MAP4K3: variants seen among roughly 807,000 people sequenced by gnomAD.
The protein encoded by MAP4K3 is MAPK/ERK kinase kinase kinase 3.
Under a neutral mutation model 143.5 loss-of-function variants are expected in MAP4K3, and 94 were observed. The observed-to-expected ratio is 0.65, with a 90% CI of 0.55 to 0.78. MAP4K3 has a LOEUF of 0.78. Among genes scored for constraint, MAP4K3 ranks in the 30% least tolerant of loss-of-function variants. MAP4K3 has a pLI of 0.00. For missense variants in MAP4K3, 1,077 were observed against 1,068.1 expected (o/e 1.01, Z -0.12); for synonymous variants, 416 against 347.2 (o/e 1.20, Z -2.20).
intron 15 of MAP4K3, among the ~76,000 whole-genome samples, chr2:39,303,992 G>T (rs1342737967): frequency 1.3e-5 from 2 of 152,198 alleles, no homozygotes; most frequent in Non-Finnish European, 2.9e-5. Flanking sequence ...GCATTTTGCA[G>T]ATCAGACAAA....
chr2:39,273,061 G>A (rs562851830), intron 24 of MAP4K3, among the ~76,000 whole-genome samples: 28 of 150,870 alleles, frequency 1.9e-4, no homozygotes, highest in Non-Finnish European at 3.8e-4. Flanking sequence ...TCACAAAGCA[G>A]ATATATATAT....
chr2:39,424,953 A>T (rs972811503), intron 1 of MAP4K3, among the ~76,000 whole-genome samples: 2 of 151,730 alleles, frequency 1.3e-5, no homozygotes, highest in Non-Finnish European at 2.9e-5. Context: ...TGCTCTTTTG[A>T]TTTGGGGTTC....
chr2:39,312,044 ATT>A (rs1285870065), intron 13 of MAP4K3, among the ~76,000 whole-genome samples: 1 of 152,212 alleles, frequency 6.6e-6, no homozygotes, highest in African/African-American at 2.4e-5. Flanking sequence ...TGACAATAAT[ATT>A]GTCTTATAAG....
chr2:39,377,215 T>TTTTTTTTTTTTTTTA (rs1553421056), intron 2 of MAP4K3, among the ~76,000 whole-genome samples: 59 of 150,200 alleles, frequency 3.9e-4, no homozygotes, highest in African/African-American at 1.4e-3. Flanking sequence ...TTTTTTTTTT[T>TTTTTTTTTTTTTTTA]AAACAGAAAA....
At chr2:39,321,537 G>A (rs1437683151) in intron 12 of MAP4K3, among the ~76,000 whole-genome samples, 2 of 152,192 alleles carry the variant, frequency 1.3e-5, no homozygotes, top group South Asian at 2.1e-4. Context: ...ATATGGCCTC[G>A]TGGGAAGGGG....
chr2:39,253,786 C>A (rs1004274177), intron 32 of MAP4K3, among the ~76,000 whole-genome samples: 1 of 152,184 alleles, frequency 6.6e-6, no homozygotes, highest in East Asian at 1.9e-4. Flanking sequence ...ATTTTACGTG[C>A]TTGTAACATT....
chr2:39,381,433 G>A (rs1209219418), intron 1 of MAP4K3, among the ~76,000 whole-genome samples: 1 of 152,042 alleles, frequency 6.6e-6, no homozygotes, highest in Non-Finnish European at 1.5e-5. Context: ...CATTCTACAT[G>A]CTTTCATTTT....
At chr2:39,414,098 C>G (rs1572503666) in intron 1 of MAP4K3, among the ~76,000 whole-genome samples, 1 of 152,090 alleles carries the variant, frequency 6.6e-6, no homozygotes, top group Non-Finnish European at 1.5e-5. Flanking sequence ...TTTTGTTCCT[C>G]TCTGTCTTGA....
rs1310982026 is a variant in MAP4K3 at position 39,436,962 on chromosome 2, C to A, written c.26G>T (p.Arg9Leu). 9.9e-6 allele frequency: 16 copies of A among 1,612,264 alleles called. No individual in the cohort carries two copies. The highest frequency in any genetic ancestry group is 1.4e-5 in the Non-Finnish European group (16 of 1,179,282). Reference protein sequence around the residue: MNPGFDLSRRNPQEDFELI... With the variant: MNPGFDLSLRNPQEDFELI... ...CTCGAAGTCCTCCTGCGGGTTCCGG[C>A]GGGACAAATCGAAGCCGGGGTTCAT... is the stretch of plus-strand genomic sequence containing the variant. Residue 9 changes from arginine (R) to leucine (L), a missense_variant, in exon 1 of 34, where the codon CGC becomes CTC. Physicochemically the swap from Arg to Leu is moderately radical, Grantham distance 102. Transcript: ENST00000263881.
intron 12 of MAP4K3, 173 bp from the exon 13 acceptor site, chr2:39,315,561 A>G (rs567492055): frequency 1.9e-4 from 101 of 534,136 alleles, no homozygotes; most frequent in African/African-American, 1.7e-3. Flanking sequence ...AGCTCAAACT[A>G]TTAGGTGAAA....
Position 39,326,263 on chromosome 2 carries a change from A to C in MAP4K3, c.545T>G (p.Val182Gly). The C allele has an allele frequency of 6.2e-7, 1 of 1,613,810 alleles. No homozygotes were observed. Among genetic ancestry groups the C allele is most frequent in the Non-Finnish European group, 8.5e-7 (1 of 1,179,880 alleles). ...IGTPYWMAPEVAAVERKGGYN... is the reference protein window; with the variant it reads ...IGTPYWMAPEGAAVERKGGYN... ...ACCCCCCTTCCTCTCAACAGCTGCA[A>C]CTTCTGGAGCCATCCTGAAATAAAT... The change falls in exon 9 of 34, where the codon GTT (valine) becomes GGT (glycine). Residue 182 changes from valine (V) to glycine (G), a missense_variant. Physicochemically the swap from Val to Gly is moderately radical, Grantham distance 109. This residue lies in a region of MAP4K3 where 213 missense variants were observed against 266.8 expected (regional missense o/e 0.80). Transcript: ENST00000263881.
At chr2:39,315,555 C>G in intron 12 of MAP4K3, 167 bp from the exon 13 acceptor site, 1 of 526,266 alleles carries the variant, frequency 1.9e-6, no homozygotes, top group South Asian at 2.8e-5. Flanking sequence ...AATAGCAGCT[C>G]AAACTATTAG....
At chr2:39,436,709 G>A (rs1236006458) in intron 1 of MAP4K3, 183 bp downstream of exon 1, 1 of 593,394 alleles carries the variant, frequency 1.7e-6, no homozygotes, top group Non-Finnish European at 3.0e-6. Flanking sequence ...GGGAGGTCTC[G>A]GGGTTAAACA....
chr2:39,361,248 TATG>T lies in MAP4K3; in HGVS notation c.155-4912_155-4910del, dbSNP rs141410223. 9.5e-3 allele frequency among the ~76,000 whole-genome samples: 1,447 copies of T among 152,208 alleles called. 23 individuals are homozygous for T. Among genetic ancestry groups the T allele is most frequent in the African/African-American group, 0.033 (1,354 of 41,518 alleles). ...AATTATATCACGTTTTATGTAATAA[TATG>T]ATATTATAATAATATACATTATAGC... is the stretch of plus-strand genomic sequence containing the variant. On this transcript the variant is annotated intron_variant, in intron 2 of 33. Coordinates refer to ENST00000263881, the MANE Select transcript of MAP4K3 (RefSeq NM_003618.4).
Position 39,250,658 on chromosome 2 carries a change from C to G in MAP4K3, c.2645G>C (p.Ser882Thr). Reference sequence around the variant, plus strand: ...ATGACCCGCCAGGATGTACAAATTGCTATTTGCTGTGGGGTTATCAGTTGG... The same window carrying G: ...ATGACCCGCCAGGATGTACAAATTGGTATTTGCTGTGGGGTTATCAGTTGG... The part of the protein sequence containing the change: ...SRPTDNPTAN[S>T]NLYILAGHEN... The change falls in exon 34 of 34, where the codon AGC becomes ACC. Residue 882 changes from serine (S) to threonine (T), a missense_variant. By Grantham distance (58) the Ser-to-Thr change is moderately conservative. This residue lies in a region of MAP4K3 where 864 missense variants were observed against 801.2 expected (regional missense o/e 1.08). Transcript: ENST00000263881. 6.2e-7 allele frequency: 1 copy of G among 1,613,942 alleles called. No homozygotes were observed. Among genetic ancestry groups the G allele is most frequent in the South Asian group, 1.1e-5 (1 of 91,040 alleles).
chr2:39,297,369 C>T (rs1287781356), intron 16 of MAP4K3, among the ~76,000 whole-genome samples: 2 of 152,120 alleles, frequency 1.3e-5, no homozygotes, highest in African/African-American at 2.4e-5. Context: ...CTACTCGCCT[C>T]GGCCTCCAAA....
At chr2:39,343,501 CTGTG>C (rs1558656942) in intron 3 of MAP4K3, 49 bp from the exon 4 acceptor site, 1 of 1,453,598 alleles carries the variant, frequency 6.9e-7, no homozygotes, top group Non-Finnish European at 9.6e-7. Context: ...TTAAAACTGT[CTGTG>C]TGAGGTAACA....
At chr2:39,401,802 A>G (rs1666962141) in intron 1 of MAP4K3, among the ~76,000 whole-genome samples, 1 of 152,182 alleles carries the variant, frequency 6.6e-6, no homozygotes, top group Non-Finnish European at 1.5e-5. Flanking sequence ...ACCCTGTCTC[A>G]GAAAAAACAA....
intron 7 of MAP4K3, among the ~76,000 whole-genome samples, chr2:39,332,496 T>C (rs1486442222): frequency 1.3e-4 from 20 of 152,038 alleles, no homozygotes; most frequent in Non-Finnish European, 2.9e-5. Flanking sequence ...CCAGTATCAG[T>C]CACTATCAGG....
Sources: allele counts gnomAD v4.1 joint callset (sites outside exome capture counted in the v4.1 genomes callset), GRCh38; gene constraint gnomAD v4.1.1; regional missense constraint gnomAD v4.1.1; transcripts MANE v1.5; gene names NCBI Gene and HGNC (gene_info 2026-07-23, HGNC 2026-07-21).